HMCN2: variants seen among roughly 807,000 people sequenced by gnomAD.
The protein encoded by HMCN2 is hemicentin-2.
Under a neutral mutation model 377.5 loss-of-function variants are expected in HMCN2, and 325 were observed. The ratio of observed to expected loss-of-function variants is 0.86; its 90% CI spans 0.79 to 0.94. The LOEUF is 0.94. Among genes scored for constraint, HMCN2 ranks in the 40% least tolerant of loss-of-function variants. The probability of loss-of-function intolerance (pLI) is 0.00; values close to 1 mark genes in which losing one functional copy is unlikely to be tolerated. For synonymous variants in HMCN2, 2,007 were observed against 2,046.8 expected (o/e 0.98, Z 0.53); for missense variants, 4,543 against 4,725.3 (o/e 0.96, Z 1.13).
At chr9:130,297,888 A>C (rs572089080) in intron 7 of HMCN2, among the ~76,000 whole-genome samples, 5 of 152,290 alleles carry the variant, frequency 3.3e-5, no homozygotes, top group African/African-American at 1.2e-4. Flanking sequence ...GCCTGTCCCC[A>C]GTGGAAGTGG....
intron 1 of HMCN2, among the ~76,000 whole-genome samples, chr9:130,276,423 C>T (rs572841723): frequency 4.3e-4 from 65 of 152,280 alleles, no homozygotes; most frequent in African/African-American, 1.5e-3. Context: ...GGACGGGGAA[C>T]AGCACTCCAG....
intron 23 of HMCN2, among the ~76,000 whole-genome samples, chr9:130,339,003 G>A (rs1165120343): frequency 1.3e-5 from 2 of 151,876 alleles, no homozygotes; most frequent in Admixed American, 1.3e-4. Context: ...AGCCTGGGCA[G>A]CATAGCAAGA....
chr9:130,311,160 A>G (rs1837221647), intron 15 of HMCN2, among the ~76,000 whole-genome samples: 1 of 152,194 alleles, frequency 6.6e-6, no homozygotes, highest in South Asian at 2.1e-4. Flanking sequence ...GTGTTTGCCG[A>G]GGCCACGGCG....
At chr9:130,346,657 G>C (rs888494491) in intron 25 of HMCN2, among the ~76,000 whole-genome samples, 151 of 152,218 alleles carry the variant, frequency 9.9e-4, no homozygotes, top group African/African-American at 3.3e-3. Flanking sequence ...CATTGATTTA[G>C]TGCCTACTGT....
At chr9:130,305,523 C>A (rs1417874198) in intron 11 of HMCN2, among the ~76,000 whole-genome samples, 2 of 152,228 alleles carry the variant, frequency 1.3e-5, no homozygotes, top group Non-Finnish European at 2.9e-5. Context: ...AACAAGCATT[C>A]TCTCTTGTGC....
Position 130,303,435 on chromosome 9 carries a change from C to G in HMCN2, c.1422-52C>G, listed in dbSNP as rs983959644. 2 of 381,764 alleles carry G rather than the reference C, an allele frequency of 5.2e-6. No homozygotes were observed. The highest frequency in any genetic ancestry group is 1.1e-5 in the Non-Finnish European group (2 of 178,176). The allele number at this position is 381,764 out of a possible 1,614,324, so 23.6% of individuals were successfully genotyped here. ...TCAGGGGACTGAAGTCGGGGGGGAC[C>G]CTGAGTGGGGGTCAGTGTGATTGTG... On this transcript the variant is annotated intron_variant, in intron 9 of 97. Coordinates refer to ENST00000683500, the MANE Select transcript of HMCN2 (RefSeq NM_001291815.2). This position sits in a 1 kb window ranked among gnomAD's most constrained non-coding sequence, Gnocchi z 5.2.
In HMCN2 at chr9:130,408,950, C is replaced by T. The variant is rs921812379; in HGVS notation, c.12879+17C>T. 4.7e-6 allele frequency: 6 copies of T among 1,283,514 alleles called. No individual in the cohort carries two copies. The Admixed American group carries it at 1.4e-4, about 30-fold the overall frequency. 79.5% of individuals were successfully genotyped at this position (1,283,514 alleles called of 1,614,324 possible). A position where few individuals can be genotyped will look rare whatever the true frequency, so the allele number is the denominator to read the frequency against. On this transcript the variant is annotated intron_variant, in intron 84 of 97. Coordinates refer to ENST00000683500, the MANE Select transcript of HMCN2 (RefSeq NM_001291815.2). ...AGGACTGAGGCAAGGCGGGGCCTGG[C>T]ACCTTGGGTGGGGCCACTGAGGACA...
chr9:130,356,509 T>C (rs1840034367), intron 34 of HMCN2, among the ~76,000 whole-genome samples: 1 of 152,256 alleles, frequency 6.6e-6, no homozygotes, highest in Admixed American at 6.5e-5. Context: ...GTCCATCTGC[T>C]GAACTTCACT....
chr9:130,433,304 C>T (rs1030402049), intron 97 of HMCN2, 44 bp from the exon 98 acceptor site: 13 of 1,371,530 alleles, frequency 9.5e-6, no homozygotes, highest in Non-Finnish European at 1.2e-5. Flanking sequence ...ACGCTCCGAC[C>T]GCACCCCCGA....
chr9:130,409,021 C>G (rs1269809865), intron 84 of HMCN2, 88 bp downstream of exon 84: 1 of 904,898 alleles, frequency 1.1e-6, no homozygotes, highest in Non-Finnish European at 1.5e-6. Flanking sequence ...TCCTATTGCC[C>G]CCTCTGCTTC....
intron 23 of HMCN2, among the ~76,000 whole-genome samples, chr9:130,339,878 C>T (rs998745376): frequency 1.1e-4 from 17 of 152,286 alleles, no homozygotes; most frequent in Admixed American, 2.6e-4. Context: ...CAGTGTCCCT[C>T]GAGGGTCCAG....
chr9:130,288,268 T>A (rs1554928737), intron 4 of HMCN2, among the ~76,000 whole-genome samples: 1 of 152,202 alleles, frequency 6.6e-6, no homozygotes, highest in Non-Finnish European at 1.5e-5. Flanking sequence ...TACTCCCAGC[T>A]GTGGTGCCAG....
Position 130,365,886 on chromosome 9 carries a change from G to A in HMCN2, c.6516G>A (p.Val2172=). The change falls in exon 43 of 98, where the codon GTG becomes GTA. Residue 2172 remains valine, a synonymous_variant. Transcript: ENST00000683500. The part of the protein sequence containing the change: ...HYNLNVWVAP[V]FPLRESHTLT... ...TCTGCTCTGACTCAGTTGCTCCAGTGTTCCCCTTGAGGGAATCCCACACCC... is the reference window on the plus strand; with the variant it reads ...TCTGCTCTGACTCAGTTGCTCCAGTATTCCCCTTGAGGGAATCCCACACCC... The A allele has an allele frequency of 1.0e-6, 1 of 985,770 alleles. No homozygotes were observed. Among genetic ancestry groups the A allele is most frequent in the Non-Finnish European group, 1.2e-6 (1 of 829,902 alleles). 61.1% of individuals were successfully genotyped at this position (985,770 alleles called of 1,614,324 possible). A position where few individuals can be genotyped will look rare whatever the true frequency, so the allele number is the denominator to read the frequency against.
At position 130,364,732 on chromosome 9, in the gene HMCN2, G is replaced by C; in HGVS notation, c.6251G>C (p.Gly2084Ala). 4 of 986,108 alleles carry C rather than the reference G, an allele frequency of 4.1e-6. No individual in the cohort carries two copies. The highest frequency in any genetic ancestry group is 9.4e-5 in the South Asian group (2 of 21,288). The allele number at this position is 986,108 out of a possible 1,614,324, so 61.1% of individuals were successfully genotyped here. Residue 2084 changes from glycine to alanine, a missense_variant, in exon 41 of 98, where the codon GGA (glycine) becomes GCA (alanine). Physicochemically the swap from Gly to Ala is moderately conservative, Grantham distance 60. Coordinates refer to ENST00000683500, the MANE Select transcript of HMCN2 (RefSeq NM_001291815.2). ...CCTGCAGTGCCCCCGAGTATCCTTG[G>C]AGAAGAGCTGAATGTGTCCGTTGTG... Reference protein sequence around the residue: ...LQVHMPPSILGEELNVSVVAN... With the variant: ...LQVHMPPSILAEELNVSVVAN...
chr9:130,356,128 G>A lies in HMCN2; in HGVS notation c.5296G>A (p.Val1766Met), dbSNP rs1333280416. The A allele has an allele frequency of 3.8e-6, 5 of 1,300,336 alleles. No homozygotes were observed. The South Asian group carries it at 4.9e-5, about 13-fold the overall frequency. The allele number at this position is 1,300,336 out of a possible 1,614,324, so 80.5% of individuals were successfully genotyped here. ...CCGCCCAGCCGAGGAGCTGGCTGGG[G>A]TGCAGGTGGCCTCGCAGGGGACCAC... ...NGRPAEELAGVQVASQGTTLH... is the reference protein window; with the variant it reads ...NGRPAEELAGMQVASQGTTLH... The change falls in exon 34 of 98, where the codon GTG (valine) becomes ATG (methionine). Residue 1766 changes from valine to methionine, a missense_variant. Around this residue, in one of 5 missense-constraint regions of HMCN2, gnomAD observed 1,032 missense variants for 1,285.1 expected, o/e 0.80. Transcript: ENST00000683500.
At chr9:130,331,630 C>G (rs1838433037) in intron 22 of HMCN2, among the ~76,000 whole-genome samples, 1 of 152,198 alleles carries the variant, frequency 6.6e-6, no homozygotes, top group Non-Finnish European at 1.5e-5. Context: ...TGGGCCTCAG[C>G]CTTTCAGTTT....
intron 27 of HMCN2, 132 bp downstream of exon 27, chr9:130,348,807 G>T: frequency 1.6e-6 from 2 of 1,236,756 alleles, no homozygotes; most frequent in Non-Finnish European, 2.1e-6. Flanking sequence ...GTGCTCTGGG[G>T]TTCACGGCAG....
At chr9:130,305,208 C>T (rs1316328729) in intron 11 of HMCN2, among the ~76,000 whole-genome samples, 1 of 152,212 alleles carries the variant, frequency 6.6e-6, no homozygotes, top group Non-Finnish European at 1.5e-5. Context: ...GAAGTTCCTC[C>T]TAATATCTAA....
At chr9:130,289,188 C>A (rs1835595983) in intron 4 of HMCN2, among the ~76,000 whole-genome samples, 1 of 152,214 alleles carries the variant, frequency 6.6e-6, no homozygotes, top group South Asian at 2.1e-4. Flanking sequence ...GCATCCCCCA[C>A]CCCACAACTC....
Sources: gnomAD v4.1 joint callset for allele counts (sites outside exome capture counted in the v4.1 genomes callset) on GRCh38, gnomAD v4.1.1 for gene constraint, gnomAD v4.1.1 regional missense constraint, Gnocchi (gnomAD v3.1) non-coding constraint, MANE v1.5 for transcripts, NCBI Gene and HGNC (gene_info 2026-07-23, HGNC 2026-07-21) for gene names.